The following MTMR2 variants were observed in gnomAD, a reference collection of about 807,000 sequenced individuals.
MTMR2 encodes the protein myotubularin related protein 2, also known as phosphatidylinositol-3,5-bisphosphate 3-phosphatase MTMR2.
Under a neutral mutation model 86.9 loss-of-function variants are expected in MTMR2, and 55 were observed. That is an observed-to-expected ratio of 0.63 (90% CI 0.51 to 0.79). The LOEUF is 0.79. MTMR2 is among the 30% of genes least tolerant of loss of function. The pLI, the probability that MTMR2 is intolerant of heterozygous loss-of-function variation, is 0.00. For synonymous variants in MTMR2, 241 were observed against 266.8 expected, an observed-to-expected ratio of 0.90 and a Z score of 0.94; for missense variants, 659 against 772.3, an observed-to-expected ratio of 0.85 and a Z score of 1.74.
At chr11:95,839,602 C>T (rs1482031373) in intron 12 of MTMR2, among the ~76,000 whole-genome samples, 2 of 152,082 alleles carry the variant, frequency 1.3e-5, no homozygotes, top group Non-Finnish European at 2.9e-5. Context: ...GTTTTCTTTA[C>T]ATGTTTAAAA....
intron 1 of MTMR2, among the ~76,000 whole-genome samples, chr11:95,898,208 A>G (rs1865944837): frequency 6.6e-6 from 1 of 151,718 alleles, no homozygotes; most frequent in South Asian, 2.1e-4. Context: ...TGCCACTATC[A>G]AGTGATGCCC....
intron 1 of MTMR2, among the ~76,000 whole-genome samples, chr11:95,890,223 GGAAA>G (rs1232929450): frequency 6.6e-6 from 1 of 152,122 alleles, no homozygotes; most frequent in African/African-American, 2.4e-5. Context: ...TATAATGTAA[GGAAA>G]GAAAAAGTGA....
In MTMR2 at chr11:95,888,175, T is replaced by C. The variant is rs1865579912; in HGVS notation, c.167A>G (p.Asn56Ser). The C allele has an allele frequency of 6.2e-7, 1 of 1,612,658 alleles. No homozygotes were observed. The highest frequency in any genetic ancestry group is 8.5e-7 in the Non-Finnish European group (1 of 1,178,932). Residue 56 changes from asparagine to serine, a missense_variant, in exon 2 of 15, where the codon AAC becomes AGC. Asn to Ser is a conservative substitution (Grantham distance 46). Coordinates refer to ENST00000346299, the MANE Select transcript of MTMR2 (RefSeq NM_016156.6). ...SSDSISTSADNFSPDLRVLRE... is the reference protein window; with the variant it reads ...SSDSISTSADSFSPDLRVLRE... ...ACATACCCTCAAATCAGGAGAAAAG[T>C]TGTCGGCAGAAGTTGAAATGGAATC...
intron 1 of MTMR2, among the ~76,000 whole-genome samples, chr11:95,895,049 A>C (rs1865833447): frequency 1.3e-5 from 2 of 152,126 alleles, no homozygotes; most frequent in African/African-American, 4.8e-5. Context: ...TCTATATACA[A>C]AACATTGGGT....
intron 13 of MTMR2, 50 bp from the exon 14 acceptor site, chr11:95,836,374 C>T: frequency 3.3e-6 from 5 of 1,516,004 alleles, no homozygotes; most frequent in Non-Finnish European, 4.6e-6. Context: ...AAGCCATTTA[C>T]ACTTTAGATG....
rs1044725260 is a variant in MTMR2 at position 95,881,972 on chromosome 11, A to T, written c.186+6184T>A. ...TCTGATGGATACCCTTTATCGGGCT[A>T]AGGTTGATTTTTTTCAATTCCTAGG... On this transcript the variant is annotated intron_variant, in intron 2 of 14. Transcript: ENST00000346299. Among the ~76,000 whole-genome samples the T allele has an allele frequency of 7.2e-5, 11 of 152,246 alleles. No individual in the cohort carries two copies. In the East Asian group the frequency reaches 1.9e-3, roughly 27 times the overall value.
chr11:95,886,735 C>T (rs188780811), intron 2 of MTMR2, among the ~76,000 whole-genome samples: 53 of 152,220 alleles, frequency 3.5e-4, no homozygotes, highest in Non-Finnish European at 8.8e-5. Flanking sequence ...TTTAATGATA[C>T]TTTTAACTAA....
intron 13 of MTMR2, 22 bp from the exon 14 acceptor site, chr11:95,836,346 A>G (rs761381781): frequency 3.1e-6 from 5 of 1,604,814 alleles, no homozygotes; most frequent in African/African-American, 2.7e-5. Context: ...AAAAATAGGT[A>G]AAGATTCTCC....
intron 1 of MTMR2, among the ~76,000 whole-genome samples, chr11:95,915,652 T>C (rs1186791369): frequency 6.6e-6 from 1 of 152,168 alleles, no homozygotes; most frequent in Admixed American, 6.6e-5. Context: ...ATTTCCCTTA[T>C]GGAAACCACA....
At position 95,857,462 on chromosome 11, in the gene MTMR2, T is replaced by C. The variant is rs529439424; in HGVS notation, c.654+90A>G. 20 of 833,308 alleles carry C rather than the reference T, an allele frequency of 2.4e-5. No individual in the cohort carries two copies. The African/African-American group carries it at 2.9e-4, about 12-fold the overall frequency. The allele number at this position is 833,308 out of a possible 1,614,324, so 51.6% of individuals were successfully genotyped here. Reference sequence around the variant, plus strand: ...TGTGGTGAATTACTGTGGTATGAGATATGCTGGTTTTCGTACATGGTTCCA... The same window carrying C: ...TGTGGTGAATTACTGTGGTATGAGACATGCTGGTTTTCGTACATGGTTCCA... On this transcript the variant is annotated intron_variant, in intron 7 of 14. Coordinates refer to ENST00000346299, the MANE Select transcript of MTMR2 (RefSeq NM_016156.6).
At chr11:95,861,964 A>G (rs773062669) in intron 5 of MTMR2, 28 bp downstream of exon 5, 1 of 1,507,462 alleles carries the variant, frequency 6.6e-7, no homozygotes, top group South Asian at 1.1e-5. Flanking sequence ...CAAACCAAAG[A>G]AAATCACATA....
intron 1 of MTMR2, 38 bp from the exon 2 acceptor site, chr11:95,888,299 G>C (rs568810005): frequency 1.2e-5 from 17 of 1,439,304 alleles, no homozygotes; most frequent in Admixed American, 6.8e-5. Context: ...GGAAAAATGG[G>C]GGCTTCAAAG....
At position 95,834,986 on chromosome 11, in the gene MTMR2, A is replaced by C. The variant is rs1430197742; in HGVS notation, c.*304T>G. ...GTTTTAATATTACCAGATGCCAAAA[A>C]TTTGTAACAGCATTTGCCTTTTAAT... is the stretch of plus-strand genomic sequence containing the variant. On this transcript the variant is annotated 3_prime_UTR_variant, in exon 15 of 15. Transcript: ENST00000346299. The C allele has an allele frequency of 8.1e-6, 3 of 372,498 alleles. No individual in the cohort carries two copies. The highest frequency in any genetic ancestry group is 1.5e-5 in the Non-Finnish European group (3 of 196,434). 23.1% of individuals were successfully genotyped at this position (372,498 alleles called of 1,614,324 possible).
intron 1 of MTMR2, among the ~76,000 whole-genome samples, chr11:95,892,386 T>C (rs1865743738): frequency 6.6e-6 from 1 of 152,238 alleles, no homozygotes; most frequent in African/African-American, 2.4e-5. Context: ...CTCAGTCTTC[T>C]ACACTTTCAT....
intron 2 of MTMR2, among the ~76,000 whole-genome samples, chr11:95,870,743 T>C (rs189521022): frequency 1.2e-4 from 18 of 151,244 alleles, no homozygotes; most frequent in East Asian, 1.9e-4. Context: ...TTTTCTTTTT[T>C]TTTTTATTAT....
At chr11:95,866,762 C>G (rs548507159) in intron 2 of MTMR2, among the ~76,000 whole-genome samples, 44 of 149,374 alleles carry the variant, frequency 2.9e-4, no homozygotes, top group African/African-American at 1.1e-3. Flanking sequence ...AAAGGAGGAC[C>G]AGCCTATGAA....
chr11:95,905,945 G>T (rs1866258731), intron 1 of MTMR2, among the ~76,000 whole-genome samples: 2 of 152,062 alleles, frequency 1.3e-5, no homozygotes. Context: ...AACAGACTTG[G>T]CCAGGCATCG....
At chr11:95,877,994 T>C (rs1030087037) in intron 2 of MTMR2, among the ~76,000 whole-genome samples, 45 of 151,634 alleles carry the variant, frequency 3.0e-4, no homozygotes, top group Admixed American at 2.8e-3. Flanking sequence ...AACTTCCAGA[T>C]TTTAATCTTA....
intron 2 of MTMR2, among the ~76,000 whole-genome samples, chr11:95,867,899 T>C (rs555315488): frequency 2.2e-4 from 34 of 151,722 alleles, no homozygotes; most frequent in Non-Finnish European, 4.3e-4. Context: ...AAAATAATTC[T>C]CTATAGGCAT....
Sources: gnomAD v4.1 joint callset for allele counts (sites outside exome capture counted in the v4.1 genomes callset) on GRCh38, gnomAD v4.1.1 for gene constraint, MANE v1.5 for transcripts, NCBI Gene and HGNC (gene_info 2026-07-23, HGNC 2026-07-21) for gene names.